ANO2: variants seen among roughly 807,000 people sequenced by gnomAD.
ANO2 encodes anoctamin 2.
A neutral mutation model predicts 124.2 loss-of-function variants in ANO2; 101 were observed. The observed-to-expected ratio is 0.81, with a 90% CI of 0.69 to 0.96. The LOEUF is 0.96. ANO2 is among the 40% of genes least tolerant of loss of function. The probability of loss-of-function intolerance (pLI) is 0.00; values close to 1 mark genes in which losing one functional copy is unlikely to be tolerated. For missense variants in ANO2, 1,293 were observed against 1,274.5 expected, an observed-to-expected ratio of 1.01 and a Z score of -0.22; for synonymous variants, 486 against 482.5, an observed-to-expected ratio of 1.01 and a Z score of -0.09.
intron 4 of ANO2, among the ~76,000 whole-genome samples, chr12:5,833,893 G>A (rs1199556984): frequency 6.6e-6 from 1 of 152,100 alleles, no homozygotes; most frequent in Non-Finnish European, 1.5e-5. Context: ...GGGGACCACT[G>A]CTTTAGAAGA....
At chr12:5,875,546 C>T (rs1032320256) in intron 3 of ANO2, among the ~76,000 whole-genome samples, 1 of 152,238 alleles carries the variant, frequency 6.6e-6, no homozygotes, top group African/African-American at 2.4e-5. Flanking sequence ...CCAAAGAAGG[C>T]AGCCATCTGT....
intron 3 of ANO2, among the ~76,000 whole-genome samples, chr12:5,895,150 G>A (rs570277389): frequency 5.3e-5 from 8 of 152,138 alleles, no homozygotes; most frequent in African/African-American, 1.9e-4. Flanking sequence ...ATTTGTTTGT[G>A]TCCTCTCTTA....
At chr12:5,945,262 G>A (rs1398158891), upstream of ANO2, 5 of 1,267,004 alleles carry the variant, frequency 3.9e-6, no homozygotes, top group African/African-American at 3.1e-5. Context: ...GCGCTTCTGG[G>A]CAGGCTTATG....
At chr12:5,913,505 C>G (rs549855001) in intron 3 of ANO2, among the ~76,000 whole-genome samples, 1 of 152,206 alleles carries the variant, frequency 6.6e-6, no homozygotes, top group African/African-American at 2.4e-5. Context: ...GCTTTGAATA[C>G]GTAACTGCTG....
intron 20 of ANO2, among the ~76,000 whole-genome samples, chr12:5,595,371 T>TTTTTCTTTTC: frequency 6.6e-6 from 1 of 151,884 alleles, no homozygotes; most frequent in Admixed American, 6.6e-5. Context: ...CTACTGTTTT[T>TTTTTCTTTTC]TTTTCTTTTC....
chr12:5,945,886 C>CA (rs1943081093), upstream of ANO2, among the ~76,000 whole-genome samples: 5 of 152,176 alleles, frequency 3.3e-5, no homozygotes, highest in South Asian at 1.0e-3. Flanking sequence ...AGAGCTCTCC[C>CA]ATGAGACGCT....
chr12:5,599,647 T>A lies in ANO2; in HGVS notation c.2088-18A>T. On this transcript the variant is annotated intron_variant, in intron 19 of 24. Coordinates refer to ENST00000682330, the MANE Select transcript of ANO2 (RefSeq NM_001364791.2). Reference sequence around the variant, plus strand: ...TTAGCTTCCTGGAAAAGAAATGGATTAAGTTACAAAAAGCCTCTGGAGAAC... The same window carrying A: ...TTAGCTTCCTGGAAAAGAAATGGATAAAGTTACAAAAAGCCTCTGGAGAAC... 6.2e-7 allele frequency: 1 copy of A among 1,612,378 alleles called. No individual in the cohort carries two copies. The highest frequency in any genetic ancestry group is 2.2e-5 in the East Asian group (1 of 44,862).
upstream of ANO2, chr12:5,945,268 T>C (rs1015326107): frequency 1.1e-4 from 135 of 1,264,150 alleles, no homozygotes; most frequent in Non-Finnish European, 1.4e-4. Flanking sequence ...CTGGGCAGGC[T>C]TATGCCGCCG....
chr12:5,735,972 G>C (rs1047116484), intron 13 of ANO2, among the ~76,000 whole-genome samples: 1 of 152,236 alleles, frequency 6.6e-6, no homozygotes, highest in African/African-American at 2.4e-5. Flanking sequence ...CTCTCTAAGA[G>C]GCCCAGGGTA....
At chr12:5,772,698 AAAAGG>A (rs1335271624) in intron 10 of ANO2, among the ~76,000 whole-genome samples, 2 of 152,258 alleles carry the variant, frequency 1.3e-5, no homozygotes, top group Non-Finnish European at 2.9e-5. Context: ...GTCAAAAAAG[AAAAGG>A]ATAGACTCGC....
intron 14 of ANO2, among the ~76,000 whole-genome samples, chr12:5,651,273 C>T (rs1293840398): frequency 2.0e-5 from 3 of 152,196 alleles, no homozygotes; most frequent in African/African-American, 4.8e-5. Flanking sequence ...AATAAAACCA[C>T]ATAAGTGCCC....
Position 5,569,805 on chromosome 12 carries a change from T to A in ANO2, c.2622-4142A>T, listed in dbSNP as rs148799415. Reference sequence around the variant, plus strand: ...TTAAATAAGACAATCTAGGTGAATATGATTTCCGGAGCTTTTGCAGAAAAT... The same window carrying A: ...TTAAATAAGACAATCTAGGTGAATAAGATTTCCGGAGCTTTTGCAGAAAAT... On this transcript the variant is annotated intron_variant, in intron 23 of 24. Transcript: ENST00000682330. Among the ~76,000 whole-genome samples the A allele has an allele frequency of 2.5e-3, 385 of 152,302 alleles. 1 individual carries two copies. The highest frequency in any genetic ancestry group is 5.6e-3 in the Admixed American group (85 of 15,296).
chr12:5,729,685 C>T (rs562548997), intron 14 of ANO2, among the ~76,000 whole-genome samples: 74 of 121,752 alleles, frequency 6.1e-4, no homozygotes, highest in African/African-American at 2.1e-3. Context: ...TGAAAGCATA[C>T]GGCAAAAAAA....
chr12:5,860,117 C>T (rs2137263744), intron 3 of ANO2, among the ~76,000 whole-genome samples: 1 of 152,232 alleles, frequency 6.6e-6, no homozygotes, highest in South Asian at 2.1e-4. Flanking sequence ...CTGGCTGTTC[C>T]ACCAGCTTCC....
intron 2 of ANO2, 24 bp downstream of exon 2, chr12:5,922,596 A>ACCCCCC: frequency 5.1e-6 from 4 of 789,784 alleles, no homozygotes; most frequent in Non-Finnish European, 7.7e-6. Flanking sequence ...CTATCCCCCC[A>ACCCCCC]CCCCACCCCC....
chr12:5,576,798 T>C (rs1339557720), intron 22 of ANO2, among the ~76,000 whole-genome samples: 1 of 152,252 alleles, frequency 6.6e-6, no homozygotes, highest in Non-Finnish European at 1.5e-5. Context: ...TTTACCAAAA[T>C]GTAGTTCAGA....
At chr12:5,565,716 G>A in intron 23 of ANO2, 53 bp from the exon 24 acceptor site, 1 of 1,448,732 alleles carries the variant, frequency 6.9e-7, no homozygotes, top group South Asian at 1.3e-5. Context: ...AGAAAAGGGT[G>A]GTCATTCTCT....
chr12:5,575,592 T>C (rs1942351737), intron 23 of ANO2, among the ~76,000 whole-genome samples: 1 of 152,234 alleles, frequency 6.6e-6, no homozygotes, highest in Non-Finnish European at 1.5e-5. Flanking sequence ...CATATTACTG[T>C]ACTGAATACT....
At chr12:5,837,243 G>GT in intron 4 of ANO2, among the ~76,000 whole-genome samples, 1 of 122,028 alleles carries the variant, frequency 8.2e-6, no homozygotes, top group East Asian at 2.1e-4. Flanking sequence ...GGGGCCAGGA[G>GT]TGCAGCACCC....
Sources: allele counts gnomAD v4.1 joint callset (sites outside exome capture counted in the v4.1 genomes callset), GRCh38; gene constraint gnomAD v4.1.1; transcripts MANE v1.5; gene names NCBI Gene and HGNC (gene_info 2026-07-23, HGNC 2026-07-21).